ADARB2: variants seen among roughly 807,000 people sequenced by gnomAD.
ADARB2 encodes inactive double-stranded RNA-specific editase B2.
A neutral mutation model predicts 62.2 loss-of-function variants in ADARB2; 25 were observed. The observed-to-expected ratio is 0.40, with a 90% CI of 0.29 to 0.56. The LOEUF (loss-of-function observed/expected upper bound fraction) is 0.56, where lower values mean the gene tolerates loss of function less well. Ranked by LOEUF, ADARB2 falls within the 20% of genes least tolerant of loss-of-function variation. The pLI is 0.43. For missense variants in ADARB2, 1,071 were observed against 1,077.4 expected, an observed-to-expected ratio of 0.99 and a Z score of 0.08; for synonymous variants, 572 against 500.8, an observed-to-expected ratio of 1.14 and a Z score of -1.90.
At chr10:1,576,842 C>A (rs536354047) in intron 1 of ADARB2, among the ~76,000 whole-genome samples, 1 of 123,662 alleles carries the variant, frequency 8.1e-6, no homozygotes, top group Non-Finnish European at 1.7e-5. Context: ...TCGTCAAGTG[C>A]GATTCAGTCT....
chr10:1,734,682 C>T (rs1237621980), intron 1 of ADARB2, among the ~76,000 whole-genome samples: 1 of 152,212 alleles, frequency 6.6e-6, no homozygotes, highest in Admixed American at 6.5e-5. Flanking sequence ...AAGAACAGCC[C>T]TTACCTTGTG....
chr10:1,336,974 C>T (rs1282767196), intron 3 of ADARB2, among the ~76,000 whole-genome samples: 2 of 151,456 alleles, frequency 1.3e-5, no homozygotes, highest in East Asian at 1.9e-4. Context: ...GTCCAGATAG[C>T]CAAAAATCAA....
intron 1 of ADARB2, among the ~76,000 whole-genome samples, chr10:1,726,825 A>G (rs996316260): frequency 6.6e-6 from 1 of 152,040 alleles, no homozygotes; most frequent in South Asian, 2.1e-4. Context: ...GAGTGTGTGC[A>G]TCCCAGTGAG....
At chr10:1,184,273 G>A (rs143559925) in intron 9 of ADARB2, among the ~76,000 whole-genome samples, 1 of 152,150 alleles carries the variant, frequency 6.6e-6, no homozygotes, top group Non-Finnish European at 1.5e-5. Context: ...TGGTTTTTCT[G>A]TTATTTGTTG....
chr10:1,424,127 G>A (rs992313186), intron 1 of ADARB2, among the ~76,000 whole-genome samples: 1 of 152,116 alleles, frequency 6.6e-6, no homozygotes, highest in African/African-American at 2.4e-5. Flanking sequence ...TATGCAGTGG[G>A]TCTACTACGT....
At chr10:1,719,218 C>T (rs1420858798) in intron 1 of ADARB2, among the ~76,000 whole-genome samples, 1 of 152,196 alleles carries the variant, frequency 6.6e-6, no homozygotes, top group Non-Finnish European at 1.5e-5. Context: ...CTCACCTCAG[C>T]CTCCCAAAGT....
At chr10:1,338,513 C>T (rs1177196918) in intron 3 of ADARB2, among the ~76,000 whole-genome samples, 1 of 152,172 alleles carries the variant, frequency 6.6e-6, no homozygotes, top group Non-Finnish European at 1.5e-5. Context: ...AACCAGGCCA[C>T]CTAGTCAAGT....
At chr10:1,449,502 C>G (rs531284506) in intron 1 of ADARB2, among the ~76,000 whole-genome samples, 80 of 152,352 alleles carry the variant, frequency 5.3e-4, no homozygotes, top group African/African-American at 1.8e-3. Flanking sequence ...TGCTTCCTCT[C>G]CCCTAATTCC....
chr10:1,296,624 G>A (rs1027749720), intron 3 of ADARB2, among the ~76,000 whole-genome samples: 1 of 152,166 alleles, frequency 6.6e-6, no homozygotes, highest in Non-Finnish European at 1.5e-5. Context: ...GGTCAGGATG[G>A]TTGTCTGCAG....
intron 1 of ADARB2, among the ~76,000 whole-genome samples, chr10:1,507,074 C>T (rs566323009): frequency 3.1e-4 from 47 of 152,350 alleles, no homozygotes; most frequent in African/African-American, 1.1e-3. Context: ...TGCCCCGCTG[C>T]TATGGCTGCC....
chr10:1,334,030 G>A (rs1831951580), intron 3 of ADARB2, among the ~76,000 whole-genome samples: 1 of 152,216 alleles, frequency 6.6e-6, no homozygotes, highest in South Asian at 2.1e-4. Flanking sequence ...AACTAGACTG[G>A]ACACACAATG....
Position 1,266,997 on chromosome 10 carries a change from TAATAG to T in ADARB2, c.1192+3953_1192+3957del, listed in dbSNP as rs1831210811. ...AATTTTAAAAGTAAAAGCAGAAAAT[TAATAG>T]AGTGTTGCAAATTTAACAAAAATGC... On this transcript the variant is annotated intron_variant, in intron 4 of 9. Coordinates refer to ENST00000381312, the MANE Select transcript of ADARB2 (RefSeq NM_018702.4). Among the ~76,000 whole-genome samples the T allele has an allele frequency of 9.2e-5, 14 of 151,662 alleles. No homozygotes were observed. The South Asian group carries it at 2.9e-3, about 32-fold the overall frequency.
chr10:1,556,824 C>G (rs1298137329), intron 1 of ADARB2: 1 of 534,488 alleles, frequency 1.9e-6, no homozygotes, highest in South Asian at 1.4e-5. Flanking sequence ...GCTGCAGACA[C>G]TTGCTCTGCT....
rs143528371 is a variant in ADARB2 at position 1,641,739 on chromosome 10, G to A, written c.100+95312C>T. On this transcript the variant is annotated intron_variant, in intron 1 of 9. Transcript: ENST00000381312. Reference sequence around the variant, plus strand: ...TTAAAAAATGTGTTCCTGGCTGGGCGTGGCGGCTCACACCTGTCATCCCAG... The same window carrying A: ...TTAAAAAATGTGTTCCTGGCTGGGCATGGCGGCTCACACCTGTCATCCCAG... Among the ~76,000 whole-genome samples, 1,297 of 152,290 alleles carry A rather than the reference G, an allele frequency of 8.5e-3. 14 individuals carry two copies. The highest frequency in any genetic ancestry group is 0.045 in the East Asian group (235 of 5,186).
chr10:1,516,268 C>G (rs1832007764), intron 1 of ADARB2, among the ~76,000 whole-genome samples: 1 of 152,200 alleles, frequency 6.6e-6, no homozygotes, highest in African/African-American at 2.4e-5. Flanking sequence ...TGACCCGAGG[C>G]CCTCTCCTTT....
intron 3 of ADARB2, among the ~76,000 whole-genome samples, chr10:1,328,693 C>T (rs952153990): frequency 2.6e-5 from 4 of 152,056 alleles, no homozygotes; most frequent in African/African-American, 7.2e-5. Context: ...ATTTTGCTTA[C>T]CAAGAAGCAG....
intron 1 of ADARB2, among the ~76,000 whole-genome samples, chr10:1,655,292 G>A (rs1424056596): frequency 6.6e-6 from 1 of 152,198 alleles, no homozygotes; most frequent in African/African-American, 2.4e-5. Context: ...GTGGAAAGCG[G>A]GTGCCCACTC....
chr10:1,296,207 A>G (rs560059661), intron 3 of ADARB2, among the ~76,000 whole-genome samples: 3 of 152,218 alleles, frequency 2.0e-5, no homozygotes, highest in Non-Finnish European at 1.5e-5. Context: ...GTGTAAGACA[A>G]ACATGAATGG....
chr10:1,296,241 C>T (rs1448258981), intron 3 of ADARB2, among the ~76,000 whole-genome samples: 5 of 152,156 alleles, frequency 3.3e-5, no homozygotes, highest in South Asian at 2.1e-4. Flanking sequence ...GTTCCCTCCA[C>T]AGAGGAGGGA....
Sources: allele counts gnomAD v4.1 joint callset (sites outside exome capture counted in the v4.1 genomes callset), GRCh38; gene constraint gnomAD v4.1.1; transcripts MANE v1.5; gene names NCBI Gene and HGNC (gene_info 2026-07-23, HGNC 2026-07-21).